The following TMEM132B variants were observed in gnomAD, a reference collection of about 807,000 sequenced individuals.
The protein encoded by TMEM132B is transmembrane protein 132B.
A neutral mutation model predicts 90.8 loss-of-function variants in TMEM132B; 18 were observed. The observed-to-expected ratio is 0.20, with a 90% confidence interval of 0.14 to 0.29. TMEM132B has a LOEUF of 0.29. Among genes scored for constraint, TMEM132B ranks in the 10% least tolerant of loss-of-function variants. The pLI is 1.00. For missense variants in TMEM132B, 1,096 were observed against 1,326.8 expected (o/e 0.83, Z 2.70); for synonymous variants, 504 against 523.3 (o/e 0.96, Z 0.50).
At chr12:125,546,877 G>C (rs1186174669) in intron 4 of TMEM132B, among the ~76,000 whole-genome samples, 2 of 152,228 alleles carry the variant, frequency 1.3e-5, no homozygotes, top group African/African-American at 2.4e-5. Context: ...ATAAAGGAAA[G>C]AGGCTTAATT....
intron 2 of TMEM132B, among the ~76,000 whole-genome samples, chr12:125,366,241 G>T (rs1018513432): frequency 2.6e-5 from 4 of 152,024 alleles, no homozygotes; most frequent in African/African-American, 9.7e-5. Flanking sequence ...CTGTGTGTGT[G>T]TGTGTACACA....
intron 3 of TMEM132B, among the ~76,000 whole-genome samples, chr12:125,463,897 G>A (rs1881500142): frequency 6.6e-6 from 1 of 152,200 alleles, no homozygotes; most frequent in African/African-American, 2.4e-5. Flanking sequence ...ATGGCGGAAG[G>A]TGAAGGAGAA....
At chr12:125,258,560 G>A (rs565774576) in intron 1 of TMEM132B, among the ~76,000 whole-genome samples, 1 of 152,284 alleles carries the variant, frequency 6.6e-6, no homozygotes, top group South Asian at 2.1e-4. Flanking sequence ...AAGGCAAGCT[G>A]CATGGCCTTT....
chr12:125,237,454 A>G (rs1395764835), intron 1 of TMEM132B, among the ~76,000 whole-genome samples: 2 of 151,912 alleles, frequency 1.3e-5, no homozygotes, highest in Admixed American at 6.5e-5. Flanking sequence ...AAACTTTTTT[A>G]TTTTTATTTT....
chr12:125,621,299 C>G (rs553424254), intron 5 of TMEM132B, among the ~76,000 whole-genome samples: 1 of 151,902 alleles, frequency 6.6e-6, no homozygotes, highest in Non-Finnish European at 1.5e-5. Flanking sequence ...AGGAGGCAGA[C>G]AAGAATGATG....
intron 2 of TMEM132B, among the ~76,000 whole-genome samples, chr12:125,402,767 T>G (rs564122824): frequency 1.3e-5 from 2 of 152,338 alleles, no homozygotes; most frequent in South Asian, 4.1e-4. Flanking sequence ...TGGTTTCTTG[T>G]TCTGCCAATT....
intron 2 of TMEM132B, among the ~76,000 whole-genome samples, chr12:125,383,941 A>T (rs912319108): frequency 6.6e-6 from 1 of 151,990 alleles, no homozygotes; most frequent in Non-Finnish European, 1.5e-5. Context: ...AACTCTCTGT[A>T]TTTCTTTCTT....
At chr12:125,502,329 A>G (rs1340470272) in intron 3 of TMEM132B, among the ~76,000 whole-genome samples, 1 of 152,236 alleles carries the variant, frequency 6.6e-6, no homozygotes, top group East Asian at 1.9e-4. Context: ...TCAGTGGTTT[A>G]AAACTACAAA....
At chr12:125,516,472 A>C (rs1883166163) in intron 3 of TMEM132B, among the ~76,000 whole-genome samples, 1 of 152,192 alleles carries the variant, frequency 6.6e-6, no homozygotes, top group Non-Finnish European at 1.5e-5. Context: ...TTTAAAAAAA[A>C]CCTGTACATA....
At chr12:125,553,223 A>G (rs1460626786) in intron 4 of TMEM132B, among the ~76,000 whole-genome samples, 2 of 152,164 alleles carry the variant, frequency 1.3e-5, no homozygotes, top group Non-Finnish European at 2.9e-5. Flanking sequence ...GGAATGTACT[A>G]TTTCCTGCAG....
intron 3 of TMEM132B, among the ~76,000 whole-genome samples, chr12:125,451,378 A>G (rs1479841588): frequency 6.6e-6 from 1 of 152,166 alleles, no homozygotes; most frequent in African/African-American, 2.4e-5. Context: ...ACGTATGTAT[A>G]TATTGGGGGA....
At chr12:125,563,463 T>C (rs1486361533) in intron 4 of TMEM132B, among the ~76,000 whole-genome samples, 2 of 151,816 alleles carry the variant, frequency 1.3e-5, no homozygotes, top group Non-Finnish European at 2.9e-5. Context: ...AAAAATTAAC[T>C]GCTGAGGCAG....
chr12:125,545,980 G>T (rs1884079431), intron 4 of TMEM132B, among the ~76,000 whole-genome samples: 1 of 152,072 alleles, frequency 6.6e-6, no homozygotes, highest in African/African-American at 2.4e-5. Context: ...CTTTTGTAAG[G>T]CATAACTTAT....
chr12:125,454,419 T>TGA (rs1881239004), intron 3 of TMEM132B, among the ~76,000 whole-genome samples: 1 of 150,990 alleles, frequency 6.6e-6, no homozygotes, highest in Non-Finnish European at 1.5e-5. Flanking sequence ...TGTGTGTGTG[T>TGA]GACATTTCTG....
intron 3 of TMEM132B, among the ~76,000 whole-genome samples, chr12:125,457,200 C>T (rs1190462713): frequency 1.3e-5 from 2 of 152,220 alleles, no homozygotes; most frequent in Non-Finnish European, 2.9e-5. Flanking sequence ...ACCCAGGAAA[C>T]GTGTCTCAGC....
intron 1 of TMEM132B, among the ~76,000 whole-genome samples, chr12:125,196,873 G>A (rs1412300529): frequency 6.6e-6 from 1 of 152,126 alleles, no homozygotes. Context: ...ACGCGACCAG[G>A]GCTCAGTTAT....
At chr12:125,369,199 A>G (rs1412940882) in intron 2 of TMEM132B, among the ~76,000 whole-genome samples, 2 of 151,982 alleles carry the variant, frequency 1.3e-5, no homozygotes, top group Admixed American at 1.3e-4. Context: ...AAGGACATGA[A>G]CTCATCCTTT....
At chr12:125,245,157 G>T (rs572889145) in intron 1 of TMEM132B, among the ~76,000 whole-genome samples, 1 of 152,084 alleles carries the variant, frequency 6.6e-6, no homozygotes, top group South Asian at 2.1e-4. Context: ...GTTTCCTCTC[G>T]TTTTATTGGT....
chr12:125,194,408 C>G (rs750089090), intron 1 of TMEM132B, among the ~76,000 whole-genome samples: 18 of 152,078 alleles, frequency 1.2e-4, no homozygotes, highest in Non-Finnish European at 2.4e-4. Flanking sequence ...CACATCACAG[C>G]AAATGGACAC....
Sources: gnomAD v4.1 joint callset for allele counts (sites outside exome capture counted in the v4.1 genomes callset) on GRCh38, gnomAD v4.1.1 for gene constraint, MANE v1.5 for transcripts, NCBI Gene and HGNC (gene_info 2026-07-23, HGNC 2026-07-21) for gene names.